The following KIT variants were observed in gnomAD, a reference collection of about 807,000 sequenced individuals.
The protein encoded by KIT is mast/stem cell growth factor receptor Kit.
Under a neutral mutation model 105.7 loss-of-function variants are expected in KIT, and 16 were observed. The observed-to-expected ratio is 0.15, with a 90% CI of 0.10 to 0.23. KIT has a LOEUF of 0.23. Ranked by LOEUF, KIT falls within the 10% of genes least tolerant of loss-of-function variation. The pLI is 1.00. For synonymous variants in KIT, 438 were observed against 441.1 expected, an observed-to-expected ratio of 0.99 and a Z score of 0.09; for missense variants, 858 against 1,213.8, an observed-to-expected ratio of 0.71 and a Z score of 4.36.
chr4:54,695,654 C>A lies in KIT; in HGVS notation c.210C>A (p.Ile70=). ...GCTTTGTCAAATGGACTTTTGAGATCCTGGATGAAACGAATGAGAATAAGC... is the reference window on the plus strand; with the variant it reads ...GCTTTGTCAAATGGACTTTTGAGATACTGGATGAAACGAATGAGAATAAGC... ...DPGFVKWTFE[I]LDETNENKQN... Residue 70 remains isoleucine (I), a synonymous_variant, in exon 2 of 21, where the codon ATC becomes ATA. Transcript: ENST00000288135. 3.1e-6 allele frequency: 5 copies of A among 1,614,182 alleles called. No homozygotes were observed.
At chr4:54,698,815 CT>C (rs2109675868) in intron 3 of KIT, among the ~76,000 whole-genome samples, 1 of 152,340 alleles carries the variant, frequency 6.6e-6, no homozygotes, top group East Asian at 1.9e-4. Context: ...ACTGGACTGA[CT>C]TAAGTCAGCC....
intron 2 of KIT, among the ~76,000 whole-genome samples, chr4:54,696,520 G>A (rs1720079125): frequency 6.6e-6 from 1 of 152,178 alleles, no homozygotes; most frequent in Admixed American, 6.5e-5. Context: ...AGTTCTGGGT[G>A]CCCCTGGACT....
In KIT at chr4:54,733,102, C is replaced by T. The variant is rs55789615; in HGVS notation, c.2394C>T (p.Ile798=). The T allele has an allele frequency of 0.028, 45,436 of 1,611,398 alleles. 795 individuals are homozygous for T. Among genetic ancestry groups the T allele is most frequent in the Non-Finnish European group, 0.034 (40,011 of 1,177,766 alleles). ...ACAGAGACTTGGCAGCCAGAAATAT[C>T]CTCCTTACTCATGGTCGGATCACAA... is the stretch of plus-strand genomic sequence containing the variant. ...CIHRDLAARN[I]LLTHGRITKI... Residue 798 remains isoleucine, a synonymous_variant, in exon 17 of 21, where the codon ATC becomes ATT. Coordinates refer to ENST00000288135, the MANE Select transcript of KIT (RefSeq NM_000222.3).
At chr4:54,680,385 CTTT>C (rs756268006) in intron 1 of KIT, among the ~76,000 whole-genome samples, 9 of 102,668 alleles carry the variant, frequency 8.8e-5, no homozygotes, top group Admixed American at 3.0e-4. Context: ...TTCATTCGTC[CTTT>C]TTTTTTTTTT....
rs573741083 is a variant in KIT, at chr4:54,731,211, C to T, written c.2142-117C>T. 676 of 762,068 alleles carry T rather than the reference C, an allele frequency of 8.9e-4. 9 individuals carry two copies. In the South Asian group the frequency reaches 9.1e-3, roughly 10 times the overall value. 47.2% of individuals were successfully genotyped at this position (762,068 alleles called of 1,614,324 possible). A position where few individuals can be genotyped will look rare whatever the true frequency, so the allele number is the denominator to read the frequency against. ...CTTTATTCAAACTTTACATGACTTT[C>T]CTCAAATTGGTCCAGTCTATTATGT... is the stretch of plus-strand genomic sequence containing the variant. On this transcript the variant is annotated intron_variant, in intron 14 of 20. Coordinates refer to ENST00000288135, the MANE Select transcript of KIT (RefSeq NM_000222.3).
chr4:54,723,430 C>A (rs982621954), intron 7 of KIT, among the ~76,000 whole-genome samples, 154 bp from the exon 8 acceptor site: 3 of 152,154 alleles, frequency 2.0e-5, no homozygotes, highest in African/African-American at 7.2e-5. Flanking sequence ...CTCCTTGTAC[C>A]TTCCACTCCT....
rs1284518662 is a variant in KIT, at chr4:54,739,769, G to C, written c.*1212G>C. The C allele has an allele frequency of 1.3e-5, 3 of 233,408 alleles. No individual in the cohort carries two copies. Among genetic ancestry groups the C allele is most frequent in the Admixed American group, 5.6e-5 (1 of 17,778 alleles). The allele number at this position is 233,408 out of a possible 1,614,324, so 14.5% of individuals were successfully genotyped here. On this transcript the variant is annotated 3_prime_UTR_variant, in exon 21 of 21. Coordinates refer to ENST00000288135, the MANE Select transcript of KIT (RefSeq NM_000222.3). ...AAAAGTAACTTGGCTTTCATTATTA[G>C]TACTGCTCTTGTTTCTTTTCACATA...
In KIT at chr4:54,668,815, A is replaced by AG. The variant is rs369949287; in HGVS notation, c.67+10735dup. Among the ~76,000 whole-genome samples, 1,034 of 152,342 alleles carry AG rather than the reference A, an allele frequency of 6.8e-3. 13 individuals are homozygous for AG. Among genetic ancestry groups the AG allele is most frequent in the African/African-American group, 0.024 (984 of 41,574 alleles). Reference sequence around the variant, plus strand: ...TGAGAATTCTACTTGGAAAGACTGAAGTAAAGATAGTACAGGTACTTTTCA... The same window carrying AG: ...TGAGAATTCTACTTGGAAAGACTGAAGGTAAAGATAGTACAGGTACTTTTCA... On this transcript the variant is annotated intron_variant, in intron 1 of 20. Transcript: ENST00000288135.
intron 1 of KIT, among the ~76,000 whole-genome samples, chr4:54,692,097 T>C (rs1719751169): frequency 6.6e-6 from 1 of 152,162 alleles, no homozygotes; most frequent in African/African-American, 2.4e-5. Flanking sequence ...ATAAAATAAG[T>C]ACTGTTAGTA....
chr4:54,735,496 A>G (rs981633795), intron 17 of KIT, among the ~76,000 whole-genome samples: 1 of 152,150 alleles, frequency 6.6e-6, no homozygotes, highest in Non-Finnish European at 1.5e-5. Context: ...AGGACTAGTT[A>G]CAGAAAGTTT....
chr4:54,667,631 G>A (rs761153369), intron 1 of KIT, among the ~76,000 whole-genome samples: 5 of 152,206 alleles, frequency 3.3e-5, no homozygotes, highest in African/African-American at 9.7e-5. Context: ...TGCTCCCGCC[G>A]ACAGAACGTC....
chr4:54,701,164 A>T (rs1426549963), intron 4 of KIT, among the ~76,000 whole-genome samples: 1 of 152,200 alleles, frequency 6.6e-6, no homozygotes, highest in Non-Finnish European at 1.5e-5. Flanking sequence ...CAATTAATCC[A>T]CTGGTGCTGG....
At position 54,734,563 on chromosome 4, in the gene KIT, A is replaced by G. The variant is rs1391124986; in HGVS notation, c.2484+1371A>G. ...GGGGTTGGCTCTATCAGGCTTCCAG[A>G]TTGTAGACTCCAGTTCAAGTCAGTT... On this transcript the variant is annotated intron_variant, in intron 17 of 20. Coordinates refer to ENST00000288135, the MANE Select transcript of KIT (RefSeq NM_000222.3). Among the ~76,000 whole-genome samples, 4 of 152,276 alleles carry G rather than the reference A, an allele frequency of 2.6e-5. No homozygotes were observed. The East Asian group carries it at 7.7e-4, about 29-fold the overall frequency.
chr4:54,673,079 C>G (rs1206613802), intron 1 of KIT, among the ~76,000 whole-genome samples: 1 of 152,158 alleles, frequency 6.6e-6, no homozygotes, highest in Non-Finnish European at 1.5e-5. Context: ...GAATGTTTTT[C>G]CACCTTTATT....
intron 1 of KIT, among the ~76,000 whole-genome samples, chr4:54,692,485 T>C (rs1719779443): frequency 6.6e-6 from 1 of 152,228 alleles, no homozygotes; most frequent in Admixed American, 6.5e-5. Context: ...TTTATTTGAC[T>C]GGATTGTAAT....
intron 7 of KIT, among the ~76,000 whole-genome samples, chr4:54,718,846 C>T (rs1577981722): frequency 6.6e-6 from 1 of 152,152 alleles, no homozygotes; most frequent in South Asian, 2.1e-4. Flanking sequence ...GTATAAGACA[C>T]AGTATATGTC....
At position 54,721,646 on chromosome 4, in the gene KIT, A is replaced by C. The variant is rs144126718; in HGVS notation, c.1232-1938A>C. On this transcript the variant is annotated intron_variant, in intron 7 of 20. Transcript: ENST00000288135. The stretch of plus-strand genomic sequence containing the variant: ...CATGTGGATACTCTGATCTCCGCCA[A>C]CTCCAGGGAGGTGCCTCCAGGGAGG... 3.3e-3 allele frequency among the ~76,000 whole-genome samples: 497 copies of C among 152,160 alleles called. 6 individuals are homozygous for C. The highest frequency in any genetic ancestry group is 0.011 in the African/African-American group (472 of 41,514).
chr4:54,707,480 G>A (rs577292566), intron 6 of KIT, among the ~76,000 whole-genome samples, 193 bp downstream of exon 6: 2 of 152,204 alleles, frequency 1.3e-5, no homozygotes, highest in African/African-American at 4.8e-5. Flanking sequence ...TCTTGCACAC[G>A]CATGCACACA....
intron 1 of KIT, among the ~76,000 whole-genome samples, chr4:54,682,368 A>G (rs1421757911): frequency 4.6e-5 from 7 of 152,186 alleles, no homozygotes; most frequent in South Asian, 4.1e-4. Flanking sequence ...GATTAAAGGC[A>G]TGGGCCACCG....
Sources: allele counts gnomAD v4.1 joint callset (sites outside exome capture counted in the v4.1 genomes callset), GRCh38; gene constraint gnomAD v4.1.1; transcripts MANE v1.5; gene names NCBI Gene and HGNC (gene_info 2026-07-23, HGNC 2026-07-21).